Variants in DNAH7 observed in about 807,000 individuals in gnomAD.
The protein encoded by DNAH7 is dynein axonemal heavy chain 7.
A neutral mutation model predicts 444.6 loss-of-function variants in DNAH7; 397 were observed. The observed-to-expected ratio is 0.89, with a 90% CI of 0.82 to 0.97. The LOEUF is 0.97. DNAH7 is among the 50% of genes least tolerant of loss of function. DNAH7 has a pLI of 0.00. For synonymous variants in DNAH7, 1,636 were observed against 1,624.4 expected, an observed-to-expected ratio of 1.01 and a Z score of -0.17; for missense variants, 4,902 against 4,800.8, an observed-to-expected ratio of 1.02 and a Z score of -0.62.
chr2:196,049,096 A>G lies in DNAH7; in HGVS notation c.142-692T>C, dbSNP rs375427491. Among the ~76,000 whole-genome samples the G allele has an allele frequency of 4.4e-4, 67 of 152,334 alleles. No individual in the cohort carries two copies. The South Asian group carries it at 0.012, about 28-fold the overall frequency. Reference sequence around the variant, plus strand: ...CAACAAACCCAGACAGTCGGATTTTAAAGTAAAATCTATATATTTTTAGCA... The same window carrying G: ...CAACAAACCCAGACAGTCGGATTTTGAAGTAAAATCTATATATTTTTAGCA... On this transcript the variant is annotated intron_variant, in intron 3 of 64. Transcript: ENST00000312428.
rs1043583899 is a variant in DNAH7 at position 196,000,571 on chromosome 2, T to C, written c.1353+133A>G. The C allele has an allele frequency of 5.2e-6, 4 of 775,820 alleles. No individual in the cohort carries two copies. In the African/African-American group the frequency reaches 7.2e-5, roughly 14 times the overall value. 48.1% of individuals were successfully genotyped at this position (775,820 alleles called of 1,614,324 possible). A position where few individuals can be genotyped will look rare whatever the true frequency, so the allele number is the denominator to read the frequency against. On this transcript the variant is annotated intron_variant, in intron 12 of 64. Transcript: ENST00000312428. ...GGCCATTTGGAAAATGGTAGTTTTT[T>C]AGGAAAACTTTCTTATAAGCCAACA... is the stretch of plus-strand genomic sequence containing the variant.
intron 46 of DNAH7, among the ~76,000 whole-genome samples, chr2:195,846,223 A>G (rs1198800637): frequency 1.3e-5 from 2 of 152,252 alleles, no homozygotes; most frequent in Non-Finnish European, 2.9e-5. Context: ...ACTTCTCAAC[A>G]GAAGACATAC....
chr2:195,799,590 C>A, intron 54 of DNAH7, 118 bp from the exon 55 acceptor site: 1 of 810,406 alleles, frequency 1.2e-6, no homozygotes, highest in Non-Finnish European at 1.7e-6. Flanking sequence ...TTTAGGTATT[C>A]ATTAATGGTG....
intron 47 of DNAH7, 125 bp downstream of exon 47, chr2:195,844,876 AT>A: frequency 1.3e-6 from 1 of 750,064 alleles, no homozygotes; most frequent in Non-Finnish European, 2.1e-6. Context: ...CTCATACTTA[AT>A]TTCACTAATT....
In DNAH7 at chr2:196,019,221, G is replaced by A. The variant is rs894664693; in HGVS notation, c.818C>T (p.Ala273Val). 5.9e-6 allele frequency: 9 copies of A among 1,530,572 alleles called. No individual in the cohort carries two copies. In the African/African-American group the frequency reaches 9.5e-5, roughly 16 times the overall value. 94.8% of individuals were successfully genotyped at this position (1,530,572 alleles called of 1,614,324 possible). A position where few individuals can be genotyped will look rare whatever the true frequency, so the allele number is the denominator to read the frequency against. ...ASSYIRDHLN[A>V]MNPTMLAVLD... ...TACAGCCAGCATTGTGGGGTTCATT[G>A]CATTCAAGTGATCCCTAATATAACT... Residue 273 changes from alanine (A) to valine (V), a missense_variant, in exon 9 of 65, where the codon GCA becomes GTA. By Grantham distance (64) the Ala-to-Val change is moderately conservative (BLOSUM62 0). Transcript: ENST00000312428.
intron 9 of DNAH7, among the ~76,000 whole-genome samples, chr2:196,014,155 C>T (rs539264872): frequency 1.3e-5 from 2 of 152,262 alleles, no homozygotes; most frequent in Middle Eastern, 3.4e-3. Context: ...AAAATACTAC[C>T]AGACACTGTT....
intron 27 of DNAH7, chr2:195,904,539 C>T (rs1292710012): frequency 1.3e-5 from 2 of 152,032 alleles, no homozygotes; most frequent in African/African-American, 4.8e-5. Context: ...CAAAAAGGAG[C>T]CCAGCAGTTT....
At chr2:196,065,081 T>G (rs1680435862) in intron 1 of DNAH7, among the ~76,000 whole-genome samples, 1 of 152,182 alleles carries the variant, frequency 6.6e-6, no homozygotes, top group African/African-American at 2.4e-5. Flanking sequence ...TGATAGGTCT[T>G]GATATCTGTA....
intron 51 of DNAH7, among the ~76,000 whole-genome samples, chr2:195,814,556 G>T (rs903614099): frequency 1.1e-4 from 16 of 152,004 alleles, no homozygotes; most frequent in Non-Finnish European, 1.5e-4. Flanking sequence ...TCTTTAAATG[G>T]CAGACCAAAG....
At chr2:196,041,626 A>T (rs779225611) in intron 5 of DNAH7, among the ~76,000 whole-genome samples, 1 of 152,088 alleles carries the variant, frequency 6.6e-6, no homozygotes, top group Non-Finnish European at 1.5e-5. Flanking sequence ...CATTGGAAAA[A>T]TGCTTCAGGA....
At chr2:195,977,745 A>G (rs1240763421) in intron 15 of DNAH7, among the ~76,000 whole-genome samples, 6 of 152,230 alleles carry the variant, frequency 3.9e-5, no homozygotes, top group Admixed American at 3.9e-4. Context: ...TCCTAAAAAC[A>G]GCAAGAGAAA....
intron 47 of DNAH7, among the ~76,000 whole-genome samples, chr2:195,840,309 A>G (rs1280892329): frequency 6.6e-6 from 1 of 151,746 alleles, no homozygotes; most frequent in African/African-American, 2.4e-5. Flanking sequence ...TTTAACATCC[A>G]TTAATGTTAA....
intron 19 of DNAH7, among the ~76,000 whole-genome samples, chr2:195,948,919 C>A (rs947867993): frequency 2.6e-5 from 4 of 152,150 alleles, no homozygotes; most frequent in Non-Finnish European, 5.9e-5. Flanking sequence ...TTCTTCCTAT[C>A]CATGAGCATG....
In DNAH7 at chr2:195,856,154, A is replaced by G. The variant is rs1418405933; in HGVS notation, c.8415-163T>C. ...TTCCTGTTTCATCTAACAATCATCC[A>G]AACTTGATCCTGGACACAAGAAATG... On this transcript the variant is annotated intron_variant, in intron 44 of 64. Coordinates refer to ENST00000312428, the MANE Select transcript of DNAH7 (RefSeq NM_018897.3). Among the ~76,000 whole-genome samples the G allele has an allele frequency of 2.0e-5, 3 of 152,206 alleles. No homozygotes were observed. The East Asian group carries it at 5.8e-4, about 29-fold the overall frequency.
At position 195,997,994 on chromosome 2, in the gene DNAH7, C is replaced by T. The variant is rs913118397; in HGVS notation, c.1353+2710G>A. Among the ~76,000 whole-genome samples, 6 of 152,058 alleles carry T rather than the reference C, an allele frequency of 3.9e-5. No individual in the cohort carries two copies. The South Asian group carries it at 6.2e-4, about 16-fold the overall frequency. Reference sequence around the variant, plus strand: ...AATGACAGGCAATTTACTCATGTAACGAACTTACACAAGTACCTTTGAACC... The same window carrying T: ...AATGACAGGCAATTTACTCATGTAATGAACTTACACAAGTACCTTTGAACC... On this transcript the variant is annotated intron_variant, in intron 12 of 64. Transcript: ENST00000312428.
intron 48 of DNAH7, among the ~76,000 whole-genome samples, chr2:195,826,941 GA>G (rs200864365): frequency 2.7e-5 from 4 of 147,494 alleles, no homozygotes; most frequent in African/African-American, 7.5e-5. Flanking sequence ...CCAACCATTA[GA>G]AAAAAAAAAG....
At chr2:195,808,308 C>T (rs1008365015) in intron 53 of DNAH7, among the ~76,000 whole-genome samples, 2 of 152,192 alleles carry the variant, frequency 1.3e-5, no homozygotes, top group African/African-American at 4.8e-5. Context: ...AAATGACACA[C>T]ACACAGAATT....
intron 10 of DNAH7, among the ~76,000 whole-genome samples, chr2:196,008,478 A>G (rs1297216747): frequency 6.6e-6 from 1 of 152,244 alleles, no homozygotes; most frequent in Non-Finnish European, 1.5e-5. Flanking sequence ...AAATGTTCAT[A>G]GCAAAAACAG....
At chr2:195,806,863 T>C (rs755628958) in intron 53 of DNAH7, 31 bp from the exon 54 acceptor site, 8 of 1,567,630 alleles carry the variant, frequency 5.1e-6, no homozygotes. Flanking sequence ...ATTCAGTTAT[T>C]TTGGAGATTA....
Sources: gnomAD v4.1 joint callset for allele counts (sites outside exome capture counted in the v4.1 genomes callset) on GRCh38, gnomAD v4.1.1 for gene constraint, MANE v1.5 for transcripts, NCBI Gene and HGNC (gene_info 2026-07-23, HGNC 2026-07-21) for gene names.